Variants in PCDH9 observed in about 807,000 individuals in gnomAD.
The protein encoded by PCDH9 is protocadherin 9.
A neutral mutation model predicts 70.6 loss-of-function variants in PCDH9; 24 were observed. The ratio of observed to expected loss-of-function variants is 0.34; its 90% CI spans 0.25 to 0.48. The LOEUF (loss-of-function observed/expected upper bound fraction) is 0.48. PCDH9 is among the 20% of genes least tolerant of loss of function. The pLI is 0.99. For synonymous variants in PCDH9, 562 were observed against 558.5 expected (o/e 1.01, Z -0.09); for missense variants, 1,281 against 1,503.6 (o/e 0.85, Z 2.45).
At chr13:66,513,922 A>G (rs1466663561) in intron 4 of PCDH9, among the ~76,000 whole-genome samples, 1 of 152,094 alleles carries the variant, frequency 6.6e-6, no homozygotes, top group African/African-American at 2.4e-5. Flanking sequence ...AGTTTCAGAA[A>G]GCTATTTCCT....
Position 67,023,550 on chromosome 13 carries a change from G to C in PCDH9, c.3037-119945C>G, listed in dbSNP as rs76337220. On this transcript the variant is annotated intron_variant, in intron 2 of 4. Transcript: ENST00000377865. The stretch of plus-strand genomic sequence containing the variant: ...AGTCAAGAATTTGAAACAAGTAAAT[G>C]AAAGAGAGTTTGCCTGAGGGGAGGC... 1.7e-4 allele frequency among the ~76,000 whole-genome samples: 26 copies of C among 152,308 alleles called. No homozygotes were observed. The East Asian group carries it at 4.8e-3, about 28-fold the overall frequency.
At chr13:66,629,310 C>G (rs2077539639) in intron 4 of PCDH9, among the ~76,000 whole-genome samples, 1 of 152,176 alleles carries the variant, frequency 6.6e-6, no homozygotes, top group African/African-American at 2.4e-5. Flanking sequence ...GAGGAGCCAA[C>G]CACTCACATA....
At chr13:66,358,291 G>A (rs188798196) in intron 4 of PCDH9, among the ~76,000 whole-genome samples, 21 of 151,840 alleles carry the variant, frequency 1.4e-4, no homozygotes, top group Admixed American at 1.1e-3. Context: ...ACCTTTGGTA[G>A]GATTATAATT....
chr13:66,818,802 C>T (rs1450186500), intron 3 of PCDH9, among the ~76,000 whole-genome samples: 1 of 151,984 alleles, frequency 6.6e-6, no homozygotes, highest in Admixed American at 6.6e-5. Flanking sequence ...GGCGAGGTGG[C>T]GGGCGCCTAT....
In PCDH9 at chr13:67,225,390, A is replaced by G; in HGVS notation, c.3036+15T>C. 1 of 1,612,116 alleles carries G rather than the reference A, an allele frequency of 6.2e-7. No individual in the cohort carries two copies. Among genetic ancestry groups the G allele is most frequent in the Non-Finnish European group, 8.5e-7 (1 of 1,178,574 alleles). Reference sequence around the variant, plus strand: ...TGTATGCAGTACTTATAGACCAGTAAAAGTGCTCGTTTACCTGTCTGGTGT... The same window carrying G: ...TGTATGCAGTACTTATAGACCAGTAGAAGTGCTCGTTTACCTGTCTGGTGT... On this transcript the variant is annotated intron_variant, in intron 2 of 4. Transcript: ENST00000377865.
intron 3 of PCDH9, among the ~76,000 whole-genome samples, chr13:66,698,120 G>A (rs948052805): frequency 2.0e-5 from 3 of 152,112 alleles, no homozygotes; most frequent in Non-Finnish European, 4.4e-5. Flanking sequence ...CAGGGTCTGT[G>A]GGGCAGTAGA....
chr13:67,097,948 G>T (rs1053956198), intron 2 of PCDH9, among the ~76,000 whole-genome samples: 1 of 152,124 alleles, frequency 6.6e-6, no homozygotes, highest in African/African-American at 2.4e-5. Flanking sequence ...TAAATAAAAA[G>T]TTATAAAATT....
chr13:66,845,512 C>T lies in PCDH9; in HGVS notation c.3138+57992G>A, dbSNP rs575584352. 1.3e-4 allele frequency among the ~76,000 whole-genome samples: 20 copies of T among 152,210 alleles called. No homozygotes were observed. In the South Asian group the frequency reaches 1.7e-3, roughly 13 times the overall value. On this transcript the variant is annotated intron_variant, in intron 3 of 4. Coordinates refer to ENST00000377865, the MANE Select transcript of PCDH9 (RefSeq NM_203487.3). ...CCCAAGAGTGAAGAGATGCCTGGGT[C>T]CACAGCCATGGGTTGGGTGGCTATA... is the stretch of plus-strand genomic sequence containing the variant.
At chr13:67,047,307 A>C (rs1485659258) in intron 2 of PCDH9, among the ~76,000 whole-genome samples, 1 of 152,126 alleles carries the variant, frequency 6.6e-6, no homozygotes, top group African/African-American at 2.4e-5. Flanking sequence ...CTTGAACCCC[A>C]CCCAAATAAA....
intron 3 of PCDH9, among the ~76,000 whole-genome samples, chr13:66,681,605 C>T (rs974424776): frequency 2.6e-5 from 4 of 152,034 alleles, no homozygotes; most frequent in African/African-American, 7.2e-5. Context: ...TTTATTTGAA[C>T]ATGTCACACT....
chr13:66,444,624 G>A (rs1958036854), intron 4 of PCDH9, among the ~76,000 whole-genome samples: 1 of 152,018 alleles, frequency 6.6e-6, no homozygotes, highest in African/African-American at 2.4e-5. Context: ...GCAGTGGCAC[G>A]ATGTCGGCTC....
intron 3 of PCDH9, among the ~76,000 whole-genome samples, chr13:66,848,526 T>G (rs2139446700): frequency 6.6e-6 from 1 of 152,274 alleles, no homozygotes; most frequent in East Asian, 1.9e-4. Flanking sequence ...CCACACTCTG[T>G]CACTAATGGC....
At chr13:66,408,105 G>C (rs1957310981) in intron 4 of PCDH9, among the ~76,000 whole-genome samples, 1 of 139,408 alleles carries the variant, frequency 7.2e-6, no homozygotes. Flanking sequence ...AGGCCGGACT[G>C]CGGACTGCAG....
chr13:67,147,256 T>A (rs1467975282), intron 2 of PCDH9, among the ~76,000 whole-genome samples: 1 of 152,228 alleles, frequency 6.6e-6, no homozygotes, highest in East Asian at 1.9e-4. Context: ...CAGACCTTCA[T>A]TTTTCAAATG....
intron 3 of PCDH9, among the ~76,000 whole-genome samples, chr13:66,820,324 G>A (rs926922786): frequency 3.9e-5 from 6 of 152,032 alleles, no homozygotes; most frequent in East Asian, 1.9e-4. Context: ...ATTTTTAGTC[G>A]ATACCCCTAG....
At chr13:66,362,720 G>C (rs933409218) in intron 4 of PCDH9, among the ~76,000 whole-genome samples, 6 of 151,846 alleles carry the variant, frequency 4.0e-5, no homozygotes, top group Non-Finnish European at 7.4e-5. Flanking sequence ...GTATGTTTCT[G>C]TGTGTGTGCA....
chr13:67,196,066 A>T (rs1445502675), intron 2 of PCDH9, among the ~76,000 whole-genome samples: 1 of 152,186 alleles, frequency 6.6e-6, no homozygotes, highest in Non-Finnish European at 1.5e-5. Flanking sequence ...AATCGGTGAT[A>T]GTTTGTTGTG....
chr13:67,077,809 C>T (rs2085906604), intron 2 of PCDH9, among the ~76,000 whole-genome samples: 1 of 151,856 alleles, frequency 6.6e-6, no homozygotes, highest in Admixed American at 6.6e-5. Context: ...AGGTGAATTA[C>T]TAGAGTAGAT....
intron 4 of PCDH9, among the ~76,000 whole-genome samples, chr13:66,415,516 T>C (rs1957446283): frequency 6.6e-6 from 1 of 152,190 alleles, no homozygotes; most frequent in Non-Finnish European, 1.5e-5. Context: ...CTAGGTAGTA[T>C]CCAAACAATG....
Sources: gnomAD v4.1 joint callset for allele counts (sites outside exome capture counted in the v4.1 genomes callset) on GRCh38, gnomAD v4.1.1 for gene constraint, MANE v1.5 for transcripts, NCBI Gene and HGNC (gene_info 2026-07-23, HGNC 2026-07-21) for gene names.